Variants in SHC3 observed in about 807,000 individuals in gnomAD.
The protein encoded by SHC3 is SHC-transforming protein 3.
Under a neutral mutation model 60.4 loss-of-function variants are expected in SHC3, and 15 were observed. That is an observed-to-expected ratio of 0.25 (90% confidence interval 0.17 to 0.38). The LOEUF (loss-of-function observed/expected upper bound fraction) is 0.38. Among genes scored for constraint, SHC3 ranks in the 10% least tolerant of loss-of-function variants. The pLI, the probability that SHC3 is intolerant of heterozygous loss-of-function variation, is 1.00. For synonymous variants in SHC3, 294 were observed against 325.9 expected (o/e 0.90, Z 1.05); for missense variants, 677 against 786.1 (o/e 0.86, Z 1.66).
chr9:89,096,381 T>A (rs1825701450), intron 2 of SHC3, among the ~76,000 whole-genome samples: 2 of 152,208 alleles, frequency 1.3e-5, no homozygotes, highest in Admixed American at 1.3e-4. Flanking sequence ...TACAAGAGTT[T>A]ACAAGCTAAT....
chr9:89,131,170 A>C (rs572484707), intron 1 of SHC3, among the ~76,000 whole-genome samples: 92 of 152,316 alleles, frequency 6.0e-4, no homozygotes, highest in Non-Finnish European at 9.7e-4. Flanking sequence ...GAAATTGACA[A>C]ATTCCTGGAC....
At chr9:89,136,764 T>G (rs963537179) in intron 1 of SHC3, among the ~76,000 whole-genome samples, 1 of 152,222 alleles carries the variant, frequency 6.6e-6, no homozygotes, top group Non-Finnish European at 1.5e-5. Context: ...AATTCTTTCT[T>G]GTGCGAGATC....
chr9:89,144,096 T>C (rs1018938528), intron 1 of SHC3, among the ~76,000 whole-genome samples: 5 of 152,214 alleles, frequency 3.3e-5, no homozygotes, highest in Admixed American at 1.3e-4. Context: ...TGAAGTTCCA[T>C]GAACCTGAGA....
intron 6 of SHC3, among the ~76,000 whole-genome samples, chr9:89,057,355 A>T (rs1824971411): frequency 6.8e-6 from 1 of 146,376 alleles, no homozygotes; most frequent in South Asian, 2.1e-4. Flanking sequence ...AGAGTAAGAA[A>T]TCCAACATTC....
At chr9:89,147,938 C>T (rs996499303) in intron 1 of SHC3, among the ~76,000 whole-genome samples, 5 of 152,130 alleles carry the variant, frequency 3.3e-5, no homozygotes, top group South Asian at 2.1e-4. Flanking sequence ...GCTGTGCCTT[C>T]GCTCCTCTGC....
intron 1 of SHC3, among the ~76,000 whole-genome samples, chr9:89,176,589 T>A (rs1206954627): frequency 6.6e-6 from 1 of 152,236 alleles, no homozygotes; most frequent in Non-Finnish European, 1.5e-5. Context: ...TTGGTTTGTT[T>A]TTTTCTTTTT....
intron 2 of SHC3, among the ~76,000 whole-genome samples, chr9:89,088,241 C>A (rs1466136146): frequency 6.6e-6 from 1 of 152,180 alleles, no homozygotes; most frequent in Non-Finnish European, 1.5e-5. Context: ...TAGATAATAA[C>A]TCTTTCAACC....
At chr9:89,058,126 A>T (rs1824985742) in intron 6 of SHC3, among the ~76,000 whole-genome samples, 1 of 152,128 alleles carries the variant, frequency 6.6e-6, no homozygotes, top group Non-Finnish European at 1.5e-5. Context: ...GTTTCAGGCC[A>T]CCTAGTTTGT....
chr9:89,159,511 T>A (rs906746127), intron 1 of SHC3, among the ~76,000 whole-genome samples: 1 of 152,094 alleles, frequency 6.6e-6, no homozygotes, highest in African/African-American at 2.4e-5. Flanking sequence ...AGAGGGCAAA[T>A]GTCACCCAGA....
intron 1 of SHC3, 76 bp from the exon 2 acceptor site, chr9:89,112,702 T>C: frequency 7.8e-7 from 1 of 1,281,806 alleles, no homozygotes; most frequent in Non-Finnish European, 1.1e-6. Flanking sequence ...TACAAGGGCA[T>C]TTTTGGGAGC....
At chr9:89,119,082 C>A (rs1336396133) in intron 1 of SHC3, among the ~76,000 whole-genome samples, 6 of 152,030 alleles carry the variant, frequency 3.9e-5, no homozygotes, top group South Asian at 2.1e-4. Context: ...GCATGCCAAG[C>A]GCTGTTCAGT....
intron 11 of SHC3, among the ~76,000 whole-genome samples, chr9:89,019,054 G>T (rs1826153758): frequency 1.4e-5 from 2 of 145,296 alleles, no homozygotes; most frequent in Admixed American, 1.4e-4. Flanking sequence ...GCAAGACTCT[G>T]TCTCAGAGAA....
intron 11 of SHC3, among the ~76,000 whole-genome samples, chr9:89,014,935 G>C (rs1226420788): frequency 6.6e-6 from 1 of 152,130 alleles, no homozygotes; most frequent in African/African-American, 2.4e-5. Context: ...TTTGAAATTA[G>C]AATGTTTTCC....
intron 11 of SHC3, among the ~76,000 whole-genome samples, chr9:89,021,852 G>C (rs1826207125): frequency 6.6e-6 from 1 of 152,174 alleles, no homozygotes; most frequent in South Asian, 2.1e-4. Context: ...CAGGATATAT[G>C]ACTTGGGAAT....
chr9:89,126,529 G>T (rs1345216556), intron 1 of SHC3, among the ~76,000 whole-genome samples: 1 of 152,198 alleles, frequency 6.6e-6, no homozygotes, highest in Non-Finnish European at 1.5e-5. Flanking sequence ...GGAAACTTGA[G>T]AGCTGATGGA....
chr9:89,020,452 T>C (rs1214033651), intron 11 of SHC3, among the ~76,000 whole-genome samples: 1 of 152,060 alleles, frequency 6.6e-6, no homozygotes, highest in Non-Finnish European at 1.5e-5. Context: ...CCTCTGGGCC[T>C]CCTTCAGGTC....
intron 6 of SHC3, among the ~76,000 whole-genome samples, chr9:89,059,645 ATGGAGGATGGTGGTGGAGGACGTGG>A (rs1825036859): frequency 3.7e-5 from 1 of 26,682 alleles, no homozygotes; most frequent in Non-Finnish European, 6.9e-5. Flanking sequence ...GGAGGACGTG[ATGGAGGATGGTGGTGGAGGACGTGG>A]TGGAGGATGG....
chr9:89,007,667 T>G lies in SHC3; in HGVS notation c.*5780A>C, dbSNP rs1825959788. On this transcript the variant is annotated 3_prime_UTR_variant, in exon 12 of 12. Coordinates refer to ENST00000375835, the MANE Select transcript of SHC3 (RefSeq NM_016848.6). Reference sequence around the variant, plus strand: ...TCCTTCCCTGCTGGCCTCAGACAGCTATGCATGGCTGCATGAAGGAAGATC... The same window carrying G: ...TCCTTCCCTGCTGGCCTCAGACAGCGATGCATGGCTGCATGAAGGAAGATC... The G allele has an allele frequency of 6.6e-6, 1 of 152,352 alleles. No homozygotes were observed. The highest frequency in any genetic ancestry group is 2.4e-5 in the African/African-American group (1 of 41,468). 9.4% of individuals were successfully genotyped at this position (152,352 alleles called of 1,614,324 possible). A position where few individuals can be genotyped will look rare whatever the true frequency, so the allele number is the denominator to read the frequency against.
At chr9:89,075,580 C>T (rs990438690) in intron 3 of SHC3, among the ~76,000 whole-genome samples, 10 of 152,164 alleles carry the variant, frequency 6.6e-5, no homozygotes, top group East Asian at 1.9e-4. Context: ...ACATTTTGTA[C>T]GCTCAGCAAC....
Sources: allele counts gnomAD v4.1 joint callset (sites outside exome capture counted in the v4.1 genomes callset), GRCh38; gene constraint gnomAD v4.1.1; transcripts MANE v1.5; gene names NCBI Gene and HGNC (gene_info 2026-07-23, HGNC 2026-07-21).